Variants in CTDSPL2 observed in about 807,000 individuals in gnomAD.
CTDSPL2 encodes the protein CTD small phosphatase like 2, also known as CTD small phosphatase-like protein 2.
In CTDSPL2, 5 loss-of-function variants were observed where a neutral mutation model predicts 60.0. The ratio of observed to expected loss-of-function variants is 0.08; its 90% CI spans 0.04 to 0.18. CTDSPL2 has a LOEUF of 0.18. Among genes scored for constraint, CTDSPL2 ranks in the 10% least tolerant of loss-of-function variants. CTDSPL2 has a pLI of 1.00. For missense variants in CTDSPL2, 370 were observed against 548.8 expected (o/e 0.67, Z 3.26); for synonymous variants, 186 against 189.3 (o/e 0.98, Z 0.14).
rs1335870200 is a variant in CTDSPL2, at chr15:44,448,983, ACAC to A, written c.-24-10004_-24-10002del. On this transcript the variant is annotated intron_variant, in intron 1 of 12. Transcript: ENST00000260327. ...CTTTATCCTCAAGAATGTGCTCAGA[ACAC>A]CACATCAGCCATACTAAAATATTTC... 12 of 390,708 alleles carry A rather than the reference ACAC, an allele frequency of 3.1e-5. No individual in the cohort carries two copies. The Middle Eastern group carries it at 3.7e-3, about 120-fold the overall frequency. 24.2% of individuals were successfully genotyped at this position (390,708 alleles called of 1,614,324 possible).
At chr15:44,480,287 A>G (rs2081002271) in intron 2 of CTDSPL2, among the ~76,000 whole-genome samples, 2 of 151,916 alleles carry the variant, frequency 1.3e-5, no homozygotes, top group Admixed American at 1.3e-4. Context: ...GTGACTACCT[A>G]CCTGTTAGGT....
At chr15:44,456,483 T>C (rs2080443531) in intron 1 of CTDSPL2, among the ~76,000 whole-genome samples, 1 of 152,208 alleles carries the variant, frequency 6.6e-6, no homozygotes, top group Non-Finnish European at 1.5e-5. Flanking sequence ...GGTGTGTGTG[T>C]CCAGGAATTT....
intron 1 of CTDSPL2, among the ~76,000 whole-genome samples, chr15:44,435,120 C>T (rs1015934912): frequency 4.6e-5 from 7 of 151,820 alleles, no homozygotes; most frequent in Non-Finnish European, 7.4e-5. Flanking sequence ...ATTAGCTGGG[C>T]GCGGTGGTGT....
intron 2 of CTDSPL2, 129 bp from the exon 3 acceptor site, chr15:44,484,095 G>T: frequency 2.6e-6 from 2 of 772,964 alleles, no homozygotes; most frequent in Non-Finnish European, 2.0e-6. Flanking sequence ...ACCTATAATT[G>T]CATTTTGTTT....
intron 2 of CTDSPL2, among the ~76,000 whole-genome samples, chr15:44,477,922 A>G (rs2080951684): frequency 6.6e-6 from 1 of 151,870 alleles, no homozygotes; most frequent in Non-Finnish European, 1.5e-5. Context: ...CGCATTTAGG[A>G]TTTTATCTGG....
intron 2 of CTDSPL2, among the ~76,000 whole-genome samples, chr15:44,460,315 G>T (rs982109952): frequency 5.3e-5 from 8 of 151,978 alleles, no homozygotes; most frequent in Non-Finnish European, 1.2e-4. Context: ...TCACTATGTT[G>T]GCCTGGATGG....
At chr15:44,506,025 C>CTTTTTTTTTTTTTTTTTTTTTT (rs753896129) in intron 8 of CTDSPL2, among the ~76,000 whole-genome samples, 7 of 117,580 alleles carry the variant, frequency 6.0e-5, no homozygotes, top group African/African-American at 2.2e-4. Flanking sequence ...TCATTGGTAA[C>CTTTTTTTTTTTTTTTTTTTTTT]TTTTTTTTTT....
chr15:44,516,550 C>T (rs2081657438), intron 10 of CTDSPL2: 1 of 152,130 alleles, frequency 6.6e-6, no homozygotes, highest in African/African-American at 2.4e-5. Context: ...GCTAATTTTA[C>T]CTCACTTTAC....
intron 1 of CTDSPL2, among the ~76,000 whole-genome samples, chr15:44,455,535 C>G (rs1488939049): frequency 6.6e-6 from 1 of 151,916 alleles, no homozygotes; most frequent in Non-Finnish European, 1.5e-5. Flanking sequence ...TTTGCCCATT[C>G]AGTATGATAT....
chr15:44,459,030 C>T lies in CTDSPL2; in HGVS notation c.16C>T (p.Arg6Trp), dbSNP rs2080506266. MRLRT[R>W]KASQQSNQIQ... Reference sequence around the variant, plus strand: ...CCCATAAAAGATGAGGCTGAGAACACGGAAAGCTTCTCAGCAGTCAAATCA... The same window carrying T: ...CCCATAAAAGATGAGGCTGAGAACATGGAAAGCTTCTCAGCAGTCAAATCA... Residue 6 changes from arginine to tryptophan, a missense_variant, in exon 2 of 13, where the codon CGG (arginine) becomes TGG (tryptophan). By Grantham distance (101) the Arg-to-Trp change is moderately radical (BLOSUM62 -3). Transcript: ENST00000260327. 6.3e-7 allele frequency: 1 copy of T among 1,583,628 alleles called. No individual in the cohort carries two copies. The highest frequency in any genetic ancestry group is 8.6e-7 in the Non-Finnish European group (1 of 1,165,598).
At chr15:44,485,022 C>T (rs1308514929) in intron 3 of CTDSPL2, among the ~76,000 whole-genome samples, 1 of 152,128 alleles carries the variant, frequency 6.6e-6, no homozygotes, top group Admixed American at 6.5e-5. Flanking sequence ...CTTAAGAGCT[C>T]AGAGGGGACT....
chr15:44,473,484 A>G (rs2080851955), intron 2 of CTDSPL2, among the ~76,000 whole-genome samples: 1 of 151,942 alleles, frequency 6.6e-6, no homozygotes, highest in Non-Finnish European at 1.5e-5. Flanking sequence ...TTTAGTAGAG[A>G]CGGGGTTTCA....
At chr15:44,455,838 GATT>G (rs1354919795) in intron 1 of CTDSPL2, among the ~76,000 whole-genome samples, 3 of 119,812 alleles carry the variant, frequency 2.5e-5, no homozygotes, top group South Asian at 2.6e-4. Flanking sequence ...TTTTATTGAG[GATT>G]TTTTTTTTTT....
In CTDSPL2 at chr15:44,431,692, TTTTG is replaced by T. The variant is rs1331963251; in HGVS notation, c.-25+3944_-25+3947del. Among the ~76,000 whole-genome samples, 495 of 146,344 alleles carry T rather than the reference TTTTG, an allele frequency of 3.4e-3. 3 individuals are homozygous for T. The highest frequency in any genetic ancestry group is 7.0e-3 in the Middle Eastern group (2 of 286). ...TAAGGAAACATAGGAGAGTTAAGTTTTTTGTTTGTTTGTTTGTTTGTTTGTTTTT... is the reference window on the plus strand; with the variant it reads ...TAAGGAAACATAGGAGAGTTAAGTTTTTTGTTTGTTTGTTTGTTTGTTTTT... On this transcript the variant is annotated intron_variant, in intron 1 of 12. Transcript: ENST00000260327.
intron 1 of CTDSPL2, among the ~76,000 whole-genome samples, chr15:44,438,998 A>G (rs755936323): frequency 1.3e-5 from 2 of 152,052 alleles, no homozygotes; most frequent in South Asian, 2.1e-4. Context: ...TTTTCTTCCA[A>G]TGTCATGAAT....
chr15:44,466,352 A>G (rs1318147281), intron 2 of CTDSPL2, among the ~76,000 whole-genome samples: 1 of 152,198 alleles, frequency 6.6e-6, no homozygotes, highest in Non-Finnish European at 1.5e-5. Flanking sequence ...AATTGAAGTA[A>G]TTTGCCACTT....
chr15:44,484,608 C>T (rs1044766279), intron 3 of CTDSPL2, among the ~76,000 whole-genome samples: 2 of 152,062 alleles, frequency 1.3e-5, no homozygotes, highest in Admixed American at 6.6e-5. Flanking sequence ...GGCGTGGTGG[C>T]GCATGCCTGT....
At chr15:44,445,846 C>T (rs927480672) in intron 1 of CTDSPL2, among the ~76,000 whole-genome samples, 104 of 151,152 alleles carry the variant, frequency 6.9e-4, no homozygotes, top group African/African-American at 2.5e-3. Context: ...ACTTTGTTGG[C>T]CAGGCTGGTC....
chr15:44,467,662 C>T (rs2080723254), intron 2 of CTDSPL2, among the ~76,000 whole-genome samples: 1 of 152,268 alleles, frequency 6.6e-6, no homozygotes, highest in Middle Eastern at 3.4e-3. Context: ...CAACCTCTGC[C>T]TCCTGGGTTC....
Sources: allele counts gnomAD v4.1 joint callset (sites outside exome capture counted in the v4.1 genomes callset), GRCh38; gene constraint gnomAD v4.1.1; transcripts MANE v1.5; gene names NCBI Gene and HGNC (gene_info 2026-07-23, HGNC 2026-07-21).